The following ZNF618 variants were observed in gnomAD, a reference collection of about 807,000 sequenced individuals.
ZNF618 encodes the protein zinc finger protein 618.
ZNF618 carries 34 observed loss-of-function variants against 103.0 expected under a neutral mutation model. The ratio of observed to expected loss-of-function variants is 0.33; its 90% CI spans 0.25 to 0.44. The LOEUF (loss-of-function observed/expected upper bound fraction) is 0.44. Among genes scored for constraint, ZNF618 ranks in the 20% least tolerant of loss-of-function variants. The pLI is 1.00. For synonymous variants in ZNF618, 551 were observed against 542.2 expected (o/e 1.02, Z -0.23); for missense variants, 1,059 against 1,295.4 (o/e 0.82, Z 2.80).
chr9:113,953,017 C>G (rs60397454), intron 1 of ZNF618, among the ~76,000 whole-genome samples: 1,670 of 152,348 alleles, frequency 0.011, 43 homozygotes, highest in African/African-American at 0.038. Flanking sequence ...TTAATACATA[C>G]TAGCAGTCAT....
intron 10 of ZNF618, among the ~76,000 whole-genome samples, chr9:114,018,707 G>C (rs1842834475): frequency 6.6e-6 from 1 of 152,162 alleles, no homozygotes. Flanking sequence ...CTGAAGGGCT[G>C]TCTACTTTTC....
intron 1 of ZNF618, among the ~76,000 whole-genome samples, chr9:113,959,916 C>T (rs1484214207): frequency 2.6e-5 from 4 of 152,220 alleles, no homozygotes; most frequent in Non-Finnish European, 4.4e-5. Flanking sequence ...GCCCCCTTCT[C>T]CTTTAAACGT....
chr9:113,997,460 G>A (rs945037642), intron 3 of ZNF618, among the ~76,000 whole-genome samples: 6 of 152,212 alleles, frequency 3.9e-5, no homozygotes, highest in African/African-American at 1.4e-4. Flanking sequence ...GAGCAAATCA[G>A]ATCTGACCGA....
At chr9:113,878,865 T>C (rs984496616) in intron 1 of ZNF618, among the ~76,000 whole-genome samples, 1 of 152,184 alleles carries the variant, frequency 6.6e-6, no homozygotes, top group African/African-American at 2.4e-5. Context: ...AAGTCAAATA[T>C]ATTATCTCTG....
chr9:114,032,546 C>A, intron 11 of ZNF618, 99 bp from the exon 12 acceptor site: 2 of 1,096,444 alleles, frequency 1.8e-6, no homozygotes, highest in Non-Finnish European at 2.8e-6. Flanking sequence ...GCTAGTTGGC[C>A]CAGCAGAGTC....
At chr9:113,893,812 C>A (rs771383320) in intron 1 of ZNF618, among the ~76,000 whole-genome samples, 1 of 152,060 alleles carries the variant, frequency 6.6e-6, no homozygotes, top group Non-Finnish European at 1.5e-5. Context: ...ACAGTCCCAA[C>A]GAGAGATTAT....
intron 1 of ZNF618, 105 bp downstream of exon 1, chr9:113,876,518 T>A: frequency 1.1e-6 from 1 of 918,084 alleles, no homozygotes; most frequent in Non-Finnish European, 1.4e-6. Context: ...GCAAAGTGCC[T>A]GGGCACGTTT....
intron 1 of ZNF618, among the ~76,000 whole-genome samples, chr9:113,913,888 G>A (rs1050446355): frequency 6.6e-5 from 10 of 152,138 alleles, no homozygotes; most frequent in African/African-American, 1.9e-4. Flanking sequence ...TATGCTCCAC[G>A]GGGACATGGG....
intron 12 of ZNF618, among the ~76,000 whole-genome samples, chr9:114,032,938 C>T (rs1262789735): frequency 1.3e-5 from 2 of 152,082 alleles, no homozygotes; most frequent in African/African-American, 4.8e-5. Context: ...CCTTGGGCAT[C>T]AGTGGACAAT....
At chr9:113,987,543 C>T (rs1440223489) in intron 2 of ZNF618, among the ~76,000 whole-genome samples, 1 of 152,164 alleles carries the variant, frequency 6.6e-6, no homozygotes, top group African/African-American at 2.4e-5. Context: ...AAAGCAGGAG[C>T]GGGGAAGAGC....
At chr9:113,886,671 T>G (rs1443213935) in intron 1 of ZNF618, among the ~76,000 whole-genome samples, 1 of 152,084 alleles carries the variant, frequency 6.6e-6, no homozygotes, top group Non-Finnish European at 1.5e-5. Flanking sequence ...CTACTAGCCT[T>G]CGTTGGAATT....
rs187482151 is a variant in ZNF618, at chr9:114,012,814, T to C, written c.755-3881T>C. 1.1e-4 allele frequency among the ~76,000 whole-genome samples: 16 copies of C among 152,228 alleles called. No individual in the cohort carries two copies. The East Asian group carries it at 2.5e-3, about 24-fold the overall frequency. Reference sequence around the variant, plus strand: ...GGGAGCCGGTTTCAGATAATTGATGTTATAGTACCAGTGGCCAGAAACAGT... The same window carrying C: ...GGGAGCCGGTTTCAGATAATTGATGCTATAGTACCAGTGGCCAGAAACAGT... On this transcript the variant is annotated intron_variant, in intron 9 of 14. Transcript: ENST00000374126.
At chr9:114,019,163 TATTCTC>T (rs1322760823) in intron 10 of ZNF618, among the ~76,000 whole-genome samples, 1 of 132,214 alleles carries the variant, frequency 7.6e-6, no homozygotes, top group Non-Finnish European at 1.7e-5. Context: ...TATTTTATCA[TATTCTC>T]ATATGTATCA....
At chr9:113,962,817 C>T (rs187177965) in intron 1 of ZNF618, among the ~76,000 whole-genome samples, 2 of 152,328 alleles carry the variant, frequency 1.3e-5, no homozygotes, top group South Asian at 2.1e-4. Context: ...CCGCCTCCCC[C>T]ACACACCATA....
intron 1 of ZNF618, among the ~76,000 whole-genome samples, chr9:113,967,296 A>G (rs1837505029): frequency 6.6e-6 from 1 of 152,238 alleles, no homozygotes. Flanking sequence ...GGAATGCAAG[A>G]TGTTGGAAAG....
intron 1 of ZNF618, among the ~76,000 whole-genome samples, chr9:113,891,703 A>G (rs1010228801): frequency 1.3e-5 from 2 of 152,240 alleles, no homozygotes; most frequent in African/African-American, 2.4e-5. Flanking sequence ...GGTGGAAGCA[A>G]CTGAAATGTC....
intron 1 of ZNF618, among the ~76,000 whole-genome samples, chr9:113,951,462 T>TATATATGTGTATATATGTACAC (rs1835662287): frequency 2.2e-5 from 2 of 89,726 alleles, no homozygotes; most frequent in African/African-American, 7.5e-5. Flanking sequence ...TATATATACA[T>TATATATGTGTATATATGTACAC]ATATGTGTGT....
At chr9:113,898,436 T>C (rs1459785520) in intron 1 of ZNF618, among the ~76,000 whole-genome samples, 1 of 141,290 alleles carries the variant, frequency 7.1e-6, no homozygotes, top group African/African-American at 2.6e-5. Flanking sequence ...CTCAGATTTT[T>C]CGTTTTTTTT....
At position 114,050,446 on chromosome 9, in the gene ZNF618, A is replaced by G. The variant is rs903025041; in HGVS notation, c.*279A>G. The G allele has an allele frequency of 1.9e-3, 358 of 192,536 alleles. 1 individual carries two copies. The highest frequency in any genetic ancestry group is 3.4e-3 in the African/African-American group (95 of 28,334). The allele number at this position is 192,536 out of a possible 1,614,324, so 11.9% of individuals were successfully genotyped here. ...CCAGAGAAACTTTGCACACACGCACACACACACACACACACACACACACAC... is the reference window on the plus strand; with the variant it reads ...CCAGAGAAACTTTGCACACACGCACGCACACACACACACACACACACACAC... On this transcript the variant is annotated 3_prime_UTR_variant, in exon 15 of 15. Transcript: ENST00000374126.
Sources: gnomAD v4.1 joint callset for allele counts (sites outside exome capture counted in the v4.1 genomes callset) on GRCh38, gnomAD v4.1.1 for gene constraint, MANE v1.5 for transcripts, NCBI Gene and HGNC (gene_info 2026-07-23, HGNC 2026-07-21) for gene names.